FAM107A: variants seen among roughly 807,000 people sequenced by gnomAD.
FAM107A encodes family with sequence similarity 107 member A, also known as actin-associated protein FAM107A.
Under a neutral mutation model 13.7 loss-of-function variants are expected in FAM107A, and 19 were observed. That is an observed-to-expected ratio of 1.38 (90% CI 0.97 to 2.03). The LOEUF (loss-of-function observed/expected upper bound fraction) is 2.03. Among genes scored for constraint, FAM107A ranks in the 30% most tolerant of loss-of-function variants. The probability of loss-of-function intolerance (pLI) is 0.00; values close to 1 mark genes in which losing one functional copy is unlikely to be tolerated. For missense variants in FAM107A, 203 were observed against 184.4 expected, an observed-to-expected ratio of 1.10 and a Z score of -0.58; for synonymous variants, 82 against 74.5, an observed-to-expected ratio of 1.10 and a Z score of -0.52.
chr3:58,579,154 T>G (rs557311737), upstream of FAM107A, among the ~76,000 whole-genome samples: 1 of 152,090 alleles, frequency 6.6e-6, no homozygotes, highest in East Asian at 1.9e-4. Flanking sequence ...GAGTCAGTTG[T>G]GTGAAGTCTG....
At chr3:58,585,455 T>C (rs2065595366) in intron 1 of FAM107A, among the ~76,000 whole-genome samples, 1 of 152,254 alleles carries the variant, frequency 6.6e-6, no homozygotes, top group Admixed American at 6.5e-5. Context: ...AGAACTGTGG[T>C]TCCAGTAACT....
Position 58,569,994 on chromosome 3 carries a change from G to T in FAM107A, c.-5-129C>A. The T allele has an allele frequency of 1.2e-6, 1 of 840,586 alleles. No individual in the cohort carries two copies. The highest frequency in any genetic ancestry group is 1.8e-6 in the Non-Finnish European group (1 of 558,044). 52.1% of individuals were successfully genotyped at this position (840,586 alleles called of 1,614,324 possible). A position where few individuals can be genotyped will look rare whatever the true frequency, so the allele number is the denominator to read the frequency against. Reference sequence around the variant, plus strand: ...GCCACCTGCTACTGCGCATACCTGGGCAAGCTACCTGACTTTCTGAGCCTT... The same window carrying T: ...GCCACCTGCTACTGCGCATACCTGGTCAAGCTACCTGACTTTCTGAGCCTT... On this transcript the variant is annotated intron_variant, in intron 1 of 3. Transcript: ENST00000360997. This position sits in a 1 kb window ranked among gnomAD's most constrained non-coding sequence, Gnocchi z 5.7.
At chr3:58,583,200 T>C (rs1001730621) in intron 1 of FAM107A, among the ~76,000 whole-genome samples, 4 of 152,154 alleles carry the variant, frequency 2.6e-5, no homozygotes, top group Non-Finnish European at 5.9e-5. Flanking sequence ...CATAGCAAGG[T>C]TTGGAAGGAG....
upstream of FAM107A, among the ~76,000 whole-genome samples, chr3:58,580,691 G>A (rs914208147): frequency 1.3e-5 from 2 of 152,006 alleles, no homozygotes; most frequent in Non-Finnish European, 2.9e-5. Flanking sequence ...TAGGATCACA[G>A]GAATGAAGCC....
At chr3:58,589,431 A>ATG (rs139383869), upstream of FAM107A, among the ~76,000 whole-genome samples, 131 of 150,976 alleles carry the variant, frequency 8.7e-4, 1 homozygote, top group South Asian at 0.011. Context: ...TTTGGAATGG[A>ATG]TGTGTGTGTG....
intron 1 of FAM107A, among the ~76,000 whole-genome samples, chr3:58,598,113 C>T (rs17059444): frequency 0.071 from 10,812 of 152,222 alleles, 461 homozygotes; most frequent in African/African-American, 0.12. Flanking sequence ...CACTGGATGT[C>T]GCAACGCTCA....
rs2065776520 is a variant in FAM107A, at chr3:58,604,402, C to T, written c.-69-15133G>A. On this transcript the variant is annotated intron_variant, in intron 1 of 3. Transcript: ENST00000465970. The surrounding 1 kb of genome is among the most constrained non-coding windows in gnomAD (Gnocchi z 4.1). ...TAACAGGTCCTGTGCCAGACAGACT[C>T]AGAATTCTGGAGAGAAAGGGCCCTT... Among the ~76,000 whole-genome samples the T allele has an allele frequency of 6.6e-6, 1 of 152,076 alleles. No homozygotes were observed. The highest frequency in any genetic ancestry group is 1.5e-5 in the Non-Finnish European group (1 of 68,030).
upstream of FAM107A, among the ~76,000 whole-genome samples, chr3:58,589,995 C>T (rs564203152): frequency 4.0e-4 from 61 of 152,344 alleles, no homozygotes; most frequent in Non-Finnish European, 6.8e-4. Context: ...GGGCTTGGTC[C>T]TTAGGGCCAG....
upstream of FAM107A, chr3:58,577,778 T>G (rs750627156): frequency 1.4e-5 from 14 of 977,802 alleles, no homozygotes; most frequent in Non-Finnish European, 1.7e-5. This position sits in a 1 kb window ranked among gnomAD's most constrained non-coding sequence, Gnocchi z 4.9. Flanking sequence ...TGTGGATTCT[T>G]CAGGAGAAAA....
intron 1 of FAM107A, among the ~76,000 whole-genome samples, chr3:58,606,691 G>T (rs181641932): frequency 3.3e-5 from 5 of 152,340 alleles, no homozygotes; most frequent in Admixed American, 2.6e-4. Flanking sequence ...TTAAAGTCTT[G>T]TGGAACACAC....
chr3:58,572,468 G>A (rs1351303354), intron 1 of FAM107A, among the ~76,000 whole-genome samples: 1 of 152,174 alleles, frequency 6.6e-6, no homozygotes, highest in Non-Finnish European at 1.5e-5. Flanking sequence ...TTGGGGCCTA[G>A]GGAACAGCAT....
chr3:58,586,850 C>T (rs17059434), intron 1 of FAM107A: 4 of 1,526,250 alleles, frequency 2.6e-6, no homozygotes, highest in Non-Finnish European at 2.6e-6. Flanking sequence ...GGCGTTGCTC[C>T]CACTTACCCG....
chr3:58,585,341 G>A lies in FAM107A; in HGVS notation c.79+1517C>T, dbSNP rs946784607. On this transcript the variant is annotated intron_variant, in intron 1 of 3. Transcript: ENST00000447756. ...GAAATCAGATTCGTCTGATGATAAAGCTACTCCTTCTCTGCCTGTCCCGCC... is the reference window on the plus strand; with the variant it reads ...GAAATCAGATTCGTCTGATGATAAAACTACTCCTTCTCTGCCTGTCCCGCC... 2.0e-5 allele frequency among the ~76,000 whole-genome samples: 3 copies of A among 152,252 alleles called. No homozygotes were observed. The South Asian group carries it at 6.2e-4, about 32-fold the overall frequency.
chr3:58,580,399 C>G (rs1454397986), upstream of FAM107A, among the ~76,000 whole-genome samples: 8 of 145,972 alleles, frequency 5.5e-5, no homozygotes, highest in Admixed American at 5.5e-4. Context: ...AGGGAGGAAC[C>G]TAGGAATCTG....
At chr3:58,597,097 T>C (rs2065713499) in intron 1 of FAM107A, among the ~76,000 whole-genome samples, 1 of 152,232 alleles carries the variant, frequency 6.6e-6, no homozygotes, top group African/African-American at 2.4e-5. Context: ...TACATTCTCC[T>C]GAGAACGAAC....
upstream of FAM107A, chr3:58,589,304 C>T (rs759863834): frequency 1.1e-5 from 15 of 1,425,046 alleles, no homozygotes; most frequent in Middle Eastern, 1.7e-4. Flanking sequence ...GAGTTGAGGA[C>T]CCTTGGTTCT....
upstream of FAM107A, among the ~76,000 whole-genome samples, chr3:58,591,484 G>C (rs2065654129): frequency 6.6e-6 from 1 of 152,114 alleles, no homozygotes; most frequent in Non-Finnish European, 1.5e-5. This position sits in a 1 kb window ranked among gnomAD's most constrained non-coding sequence, Gnocchi z 4.3. Flanking sequence ...GGTCAGTGAG[G>C]AGACAGGGGC....
At chr3:58,586,216 T>G (rs1468208120) in intron 1 of FAM107A, among the ~76,000 whole-genome samples, 1 of 123,810 alleles carries the variant, frequency 8.1e-6, no homozygotes, top group Non-Finnish European at 1.8e-5. Context: ...TGGCCCAAAC[T>G]TCCTGCGCCT....
At chr3:58,576,075 T>C (rs1399771956) in intron 1 of FAM107A, among the ~76,000 whole-genome samples, 1 of 152,214 alleles carries the variant, frequency 6.6e-6, no homozygotes, top group Non-Finnish European at 1.5e-5. Flanking sequence ...CCCTTCTGGC[T>C]TTTTTCCTCT....
Sources: gnomAD v4.1 joint callset for allele counts (sites outside exome capture counted in the v4.1 genomes callset) on GRCh38, gnomAD v4.1.1 for gene constraint, Gnocchi (gnomAD v3.1) non-coding constraint, MANE v1.5 for transcripts, NCBI Gene and HGNC (gene_info 2026-07-23, HGNC 2026-07-21) for gene names.